DIAPH2: variants seen among roughly 807,000 people sequenced by gnomAD.
DIAPH2 encodes the protein diaphanous related formin 2.
In DIAPH2, 35 loss-of-function variants were observed where a neutral mutation model predicts 92.7. The observed-to-expected ratio is 0.38, with a 90% CI of 0.29 to 0.50. The LOEUF (loss-of-function observed/expected upper bound fraction) is 0.50. DIAPH2 is among the 20% of genes least tolerant of loss of function. The pLI, the probability that DIAPH2 is intolerant of heterozygous loss-of-function variation, is 0.94. For missense variants in DIAPH2, 701 were observed against 819.5 expected, an observed-to-expected ratio of 0.86 and a Z score of 1.77; for synonymous variants, 301 against 280.4, an observed-to-expected ratio of 1.07 and a Z score of -0.73.
At chrX:97,255,789 A>G (rs1465454691) in intron 23 of DIAPH2, among the ~76,000 whole-genome samples, 1 of 112,127 alleles carries the variant, frequency 8.9e-6, no homozygotes, top group Non-Finnish European at 1.9e-5. Flanking sequence ...ATCACATTCT[A>G]AGACCCTGTC....
chrX:97,494,832 T>C (rs1397850822), intron 26 of DIAPH2, among the ~76,000 whole-genome samples: 7 of 112,480 alleles, frequency 6.2e-5, no homozygotes, highest in Non-Finnish European at 1.1e-4. Context: ...GAGGCCAGAT[T>C]GTTGGGAACA....
intron 1 of DIAPH2, among the ~76,000 whole-genome samples, chrX:96,734,811 A>G (rs2064076654): frequency 9.0e-6 from 1 of 110,567 alleles, no homozygotes; most frequent in African/African-American, 3.3e-5. Context: ...TCATTCACTT[A>G]AAACTCATAA....
At chrX:96,730,316 T>C (rs2064046172) in intron 1 of DIAPH2, among the ~76,000 whole-genome samples, 1 of 112,200 alleles carries the variant, frequency 8.9e-6, no homozygotes. Context: ...TGAGAGGTAC[T>C]CAACTAACAG....
chrX:96,985,410 C>T (rs1471646330), intron 17 of DIAPH2, among the ~76,000 whole-genome samples: 2 of 110,975 alleles, frequency 1.8e-5, no homozygotes, highest in Non-Finnish European at 3.8e-5. Flanking sequence ...TTTGGAAGGA[C>T]ATGAGAAACC....
chrX:97,168,594 A>T (rs2067429345), intron 22 of DIAPH2, among the ~76,000 whole-genome samples: 2 of 111,897 alleles, frequency 1.8e-5, no homozygotes, highest in Admixed American at 9.5e-5. Flanking sequence ...AAAAAACCCT[A>T]GACTCTTAGA....
At chrX:97,154,929 A>T (rs1208502814) in intron 22 of DIAPH2, among the ~76,000 whole-genome samples, 1 of 112,379 alleles carries the variant, frequency 8.9e-6, no homozygotes, top group Non-Finnish European at 1.9e-5. Context: ...AGTAGAAATG[A>T]TTCTTAACTC....
At chrX:97,218,454 C>T (rs2067900645) in intron 22 of DIAPH2, among the ~76,000 whole-genome samples, 1 of 111,615 alleles carries the variant, frequency 9.0e-6, no homozygotes, top group African/African-American at 3.3e-5. Flanking sequence ...ATAAAATGCA[C>T]ATGTAATGAA....
chrX:96,791,391 A>G (rs1411081272), intron 4 of DIAPH2, among the ~76,000 whole-genome samples: 1 of 111,740 alleles, frequency 8.9e-6, no homozygotes, highest in African/African-American at 3.3e-5. Context: ...AGGGAAGGCA[A>G]TTAATCATTG....
chrX:97,050,764 A>G (rs1319789370), intron 17 of DIAPH2, among the ~76,000 whole-genome samples: 13 of 111,017 alleles, frequency 1.2e-4, no homozygotes, highest in African/African-American at 4.2e-4. Flanking sequence ...GATTTGTCTT[A>G]TCTTTGGAAA....
At chrX:97,008,911 T>C (rs777719859) in intron 17 of DIAPH2, among the ~76,000 whole-genome samples, 1 of 111,148 alleles carries the variant, frequency 9.0e-6, no homozygotes, top group South Asian at 3.9e-4. Flanking sequence ...ACAAGGCGTA[T>C]GGTAAACACT....
At chrX:96,711,460 G>T (rs938068173) in intron 1 of DIAPH2, among the ~76,000 whole-genome samples, 2 of 111,612 alleles carry the variant, frequency 1.8e-5, no homozygotes, top group Non-Finnish European at 3.8e-5. Flanking sequence ...ATGTTTGTTG[G>T]CCATTTGCAT....
intron 10 of DIAPH2, among the ~76,000 whole-genome samples, chrX:96,933,707 G>A (rs1321584566): frequency 9.4e-6 from 1 of 106,220 alleles, no homozygotes; most frequent in Non-Finnish European, 1.9e-5. Context: ...GGGTTCAAGC[G>A]ATTCTTGTGC....
At chrX:97,421,710 C>T (rs2070010600) in intron 25 of DIAPH2, among the ~76,000 whole-genome samples, 1 of 111,834 alleles carries the variant, frequency 8.9e-6, no homozygotes, top group Non-Finnish European at 1.9e-5. Context: ...CAATCTGGTC[C>T]ACTTTGCATG....
rs185967724 is a variant in DIAPH2, at chrX:97,313,677, C to T, written c.2845-34439C>T. Among the ~76,000 whole-genome samples, 472 of 110,652 alleles carry T rather than the reference C, an allele frequency of 4.3e-3. 3 individuals are homozygous for T. Among genetic ancestry groups the T allele is most frequent in the African/African-American group, 0.013 (408 of 30,485 alleles). On this transcript the variant is annotated intron_variant, in intron 23 of 26. Coordinates refer to ENST00000324765, the MANE Select transcript of DIAPH2 (RefSeq NM_006729.5). Reference sequence around the variant, plus strand: ...TTTTTGAGACAGAGTCTCCCTCTCTCGCCCCGGCTGGAGTGCAGTGGTGTG... The same window carrying T: ...TTTTTGAGACAGAGTCTCCCTCTCTTGCCCCGGCTGGAGTGCAGTGGTGTG...
At chrX:96,905,779 C>T (rs1343819483) in intron 5 of DIAPH2, among the ~76,000 whole-genome samples, 1 of 111,841 alleles carries the variant, frequency 8.9e-6, no homozygotes, top group Non-Finnish European at 1.9e-5. Context: ...GTGAATTGGC[C>T]AGCACTAAAT....
chrX:97,471,707 A>C (rs1290255369), intron 26 of DIAPH2, among the ~76,000 whole-genome samples: 1 of 108,516 alleles, frequency 9.2e-6, no homozygotes, highest in Non-Finnish European at 1.9e-5. Context: ...AAAAAAAAAA[A>C]AAAAAGGAAA....
chrX:97,464,297 T>TAAAAAAAAAAAA (rs753355896), intron 26 of DIAPH2, among the ~76,000 whole-genome samples: 2 of 32,948 alleles, frequency 6.1e-5, no homozygotes, highest in African/African-American at 3.0e-4. Context: ...CCATCTCTAC[T>TAAAAAAAAAAAA]AAAAAAAAAA....
chrX:97,032,163 A>G (rs1380423301), intron 17 of DIAPH2, among the ~76,000 whole-genome samples: 1 of 111,461 alleles, frequency 9.0e-6, no homozygotes, highest in Non-Finnish European at 1.9e-5. Context: ...CTCAGATTAA[A>G]TAATTATAAA....
chrX:97,355,902 A>G (rs1201810401), intron 24 of DIAPH2, among the ~76,000 whole-genome samples: 2 of 112,016 alleles, frequency 1.8e-5, no homozygotes, highest in African/African-American at 6.5e-5. Context: ...GAGTGATGAA[A>G]ATATAGCAAT....
Sources: allele counts gnomAD v4.1 joint callset (sites outside exome capture counted in the v4.1 genomes callset), GRCh38; gene constraint gnomAD v4.1.1; transcripts MANE v1.5; gene names NCBI Gene and HGNC (gene_info 2026-07-23, HGNC 2026-07-21).